The following SPC25 variants were observed in gnomAD, a reference collection of about 807,000 sequenced individuals.
The protein encoded by SPC25 is SPC25 component of NDC80 kinetochore complex.
SPC25 carries 22 observed loss-of-function variants against 29.6 expected under a neutral mutation model. That is an observed-to-expected ratio of 0.74 (90% CI 0.53 to 1.06). The LOEUF is 1.06. SPC25 is among the 50% of genes least tolerant of loss of function. The probability of loss-of-function intolerance (pLI) is 0.00; values close to 1 mark genes in which losing one functional copy is unlikely to be tolerated. For missense variants in SPC25, 230 were observed against 255.8 expected (o/e 0.90, Z 0.69); for synonymous variants, 91 against 90.4 (o/e 1.01, Z -0.04).
At position 168,864,710 on chromosome 2, in the gene SPC25, C is replaced by T. The variant is rs192307257; in HGVS notation, n.419+8875G>A. ...TCGATACATTTGGCTTCATCTGAAT[C>T]AAGTGCAGAAAATGACACTACCAAG... is the stretch of plus-strand genomic sequence containing the variant. On this transcript the variant is annotated intron_variant and non_coding_transcript_variant, in intron 4 of 4. Coordinates refer to the SPC25 transcript ENST00000479309. 120 of 1,084,490 alleles carry T rather than the reference C, an allele frequency of 1.1e-4. 1 individual carries two copies. In the African/African-American group the frequency reaches 1.7e-3, roughly 15 times the overall value. 67.2% of individuals were successfully genotyped at this position (1,084,490 alleles called of 1,614,324 possible). A position where few individuals can be genotyped will look rare whatever the true frequency, so the allele number is the denominator to read the frequency against.
intron 3 of SPC25, among the ~76,000 whole-genome samples, chr2:168,881,124 A>G (rs1424293505): frequency 6.6e-6 from 1 of 152,222 alleles, no homozygotes; most frequent in African/African-American, 2.4e-5. Flanking sequence ...GTGCAATAAA[A>G]CAAGGTATCC....
At chr2:168,886,533 T>C (rs1449300821) in intron 3 of SPC25, among the ~76,000 whole-genome samples, 1 of 151,846 alleles carries the variant, frequency 6.6e-6, no homozygotes, top group Non-Finnish European at 1.5e-5. Flanking sequence ...TCTTTTTTTT[T>C]TTTTGAGATG....
intron 4 of SPC25, among the ~76,000 whole-genome samples, chr2:168,862,793 T>C (rs1574346810): frequency 1.3e-5 from 2 of 152,202 alleles, no homozygotes; most frequent in East Asian, 3.8e-4. Context: ...TGTTTGAATG[T>C]TAGCGCTAAT....
downstream of SPC25, among the ~76,000 whole-genome samples, chr2:168,869,212 T>C (rs897060391): frequency 1.3e-5 from 2 of 150,406 alleles, no homozygotes; most frequent in African/African-American, 5.0e-5. Context: ...TATCTCAAAA[T>C]AATAAGAGCT....
intron 4 of SPC25, chr2:168,863,368 T>G (rs182731595): frequency 1.0e-6 from 1 of 979,366 alleles, no homozygotes; most frequent in Admixed American, 6.1e-5. Context: ...ATAATTTCCT[T>G]TGTCTTAGAA....
At chr2:168,878,362 A>G (rs1449543184) in intron 3 of SPC25, among the ~76,000 whole-genome samples, 2 of 152,222 alleles carry the variant, frequency 1.3e-5, no homozygotes, top group African/African-American at 2.4e-5. Flanking sequence ...AGAATTGAAG[A>G]GACATTTCAT....
chr2:168,888,694 T>C (rs1225685872), intron 3 of SPC25, among the ~76,000 whole-genome samples: 2 of 151,918 alleles, frequency 1.3e-5, no homozygotes, highest in African/African-American at 4.8e-5. Flanking sequence ...TCAATGTTTA[T>C]TCCTATATAT....
chr2:168,862,222 C>T (rs536868356), intron 4 of SPC25, among the ~76,000 whole-genome samples: 6 of 152,306 alleles, frequency 3.9e-5, no homozygotes, highest in Middle Eastern at 3.4e-3. Flanking sequence ...TAATAGCTAA[C>T]GCTTATTCTG....
At chr2:168,873,190 G>T (rs1690025205) in intron 6 of SPC25, among the ~76,000 whole-genome samples, 1 of 152,244 alleles carries the variant, frequency 6.6e-6, no homozygotes, top group East Asian at 1.9e-4. Flanking sequence ...AAATTCTGGT[G>T]ACTTTACATT....
intron 4 of SPC25, among the ~76,000 whole-genome samples, chr2:168,862,881 T>C (rs775847874): frequency 1.3e-5 from 2 of 152,212 alleles, no homozygotes; most frequent in Non-Finnish European, 2.9e-5. Flanking sequence ...GACAAGGACA[T>C]GGCTCCCAGA....
In SPC25 at chr2:168,873,603, C is replaced by T. The variant is rs921386093; in HGVS notation, c.532G>A (p.Glu178Lys). The T allele has an allele frequency of 2.5e-6, 4 of 1,610,236 alleles. No homozygotes were observed. Among genetic ancestry groups the T allele is most frequent in the Admixed American group, 1.7e-5 (1 of 59,920 alleles). The part of the protein sequence containing the change: ...SPFMFSLHLN[E>K]ARDYEVSDSA... Reference sequence around the variant, plus strand: ...TACATACCTTCATAGTCCCTTGCTTCATTGAGATGTAAGGAAAACATAAAT... The same window carrying T: ...TACATACCTTCATAGTCCCTTGCTTTATTGAGATGTAAGGAAAACATAAAT... The change falls in exon 6 of 7, where the codon GAA becomes AAA. Residue 178 changes from glutamate (E) to lysine (K), a missense_variant. By Grantham distance (56) the Glu-to-Lys change is moderately conservative. Transcript: ENST00000282074.
chr2:168,865,813 T>G (rs1689831404), intron 4 of SPC25, among the ~76,000 whole-genome samples: 1 of 150,008 alleles, frequency 6.7e-6, no homozygotes, highest in East Asian at 2.0e-4. Context: ...ACAAGCATTC[T>G]TATATACACC....
chr2:168,889,796 C>T (rs1447120150), intron 1 of SPC25, among the ~76,000 whole-genome samples: 1 of 152,162 alleles, frequency 6.6e-6, no homozygotes, highest in Non-Finnish European at 1.5e-5. Flanking sequence ...CACTATGACC[C>T]TGGGTCCATT....
downstream of SPC25, among the ~76,000 whole-genome samples, chr2:168,868,760 T>C (rs199758074): frequency 1.1e-4 from 16 of 152,240 alleles, no homozygotes; most frequent in Admixed American, 3.3e-4. Flanking sequence ...GATTCACAGC[T>C]GAATTCTACC....
downstream of SPC25, among the ~76,000 whole-genome samples, chr2:168,868,575 C>A (rs1689915952): frequency 6.6e-6 from 1 of 152,150 alleles, no homozygotes. Flanking sequence ...ATACTACAAA[C>A]ACCTCTATGC....
At chr2:168,862,193 A>G in intron 4 of SPC25, 1 of 686,562 alleles carries the variant, frequency 1.5e-6, no homozygotes, top group Non-Finnish European at 2.5e-6. Flanking sequence ...CACATCTAAA[A>G]CAAAAGCTCG....
intron 3 of SPC25, among the ~76,000 whole-genome samples, chr2:168,888,144 G>C (rs1035126519): frequency 3.9e-5 from 6 of 152,146 alleles, no homozygotes; most frequent in African/African-American, 1.4e-4. Flanking sequence ...CAGGCATGCT[G>C]GTGTGCACCA....
intron 3 of SPC25, among the ~76,000 whole-genome samples, chr2:168,882,315 AAAT>A (rs1305522618): frequency 3.9e-5 from 6 of 152,186 alleles, no homozygotes; most frequent in Non-Finnish European, 8.8e-5. Context: ...AGGCTAAAAT[AAAT>A]AATAAGGGCC....
intron 4 of SPC25, chr2:168,861,910 T>C: frequency 1.3e-6 from 2 of 1,532,578 alleles, no homozygotes; most frequent in South Asian, 1.1e-5. Flanking sequence ...TCAGCTCATA[T>C]TCATTTGCCT....
Sources: allele counts gnomAD v4.1 joint callset (sites outside exome capture counted in the v4.1 genomes callset), GRCh38; gene constraint gnomAD v4.1.1; transcripts MANE v1.5; gene names NCBI Gene and HGNC (gene_info 2026-07-23, HGNC 2026-07-21).